FBLN1: variants seen among roughly 807,000 people sequenced by gnomAD.
FBLN1 encodes fibulin-1.
FBLN1 carries 34 observed loss-of-function variants against 89.7 expected under a neutral mutation model. That is an observed-to-expected ratio of 0.38 (90% CI 0.29 to 0.50). FBLN1 has a LOEUF of 0.50. Among genes scored for constraint, FBLN1 ranks in the 20% least tolerant of loss-of-function variants. FBLN1 has a pLI of 0.92. For synonymous variants in FBLN1, 393 were observed against 391.3 expected, an observed-to-expected ratio of 1.00 and a Z score of -0.05; for missense variants, 777 against 988.1, an observed-to-expected ratio of 0.79 and a Z score of 2.86.
chr22:45,555,988 G>T (rs982535098), intron 14 of FBLN1, among the ~76,000 whole-genome samples: 16 of 152,064 alleles, frequency 1.1e-4, no homozygotes, highest in African/African-American at 3.4e-4. Context: ...AAACATTTTT[G>T]ATTGTTTTTT....
Position 45,563,440 on chromosome 22 carries a change from C to A in FBLN1, c.1698-11071C>A. ...TACCCGGGGGTGAGCTGGGCACTGG[C>A]CACCGCCTGGTACCCCCGAGGGCTG... On this transcript the variant is annotated intron_variant, in intron 14 of 16. Coordinates refer to ENST00000327858, the MANE Select transcript of FBLN1 (RefSeq NM_006486.3). The surrounding 1 kb of genome is among the most constrained non-coding windows in gnomAD (Gnocchi z 5.7). The A allele has an allele frequency of 7.1e-7, 1 of 1,402,126 alleles. No homozygotes were observed. The highest frequency in any genetic ancestry group is 9.6e-7 in the Non-Finnish European group (1 of 1,045,282). The allele number at this position is 1,402,126 out of a possible 1,614,324, so 86.9% of individuals were successfully genotyped here.
chr22:45,523,023 G>A, intron 2 of FBLN1: 1 of 624,674 alleles, frequency 1.6e-6, no homozygotes, highest in Admixed American at 2.4e-5. Context: ...TTGTAGGAAG[G>A]CAGGATGTGC....
chr22:45,540,328 A>G (rs1338950620), intron 8 of FBLN1, among the ~76,000 whole-genome samples: 1 of 152,194 alleles, frequency 6.6e-6, no homozygotes, highest in Non-Finnish European at 1.5e-5. Context: ...GTGGTGCTCG[A>G]GAGCGGTCAT....
At chr22:45,586,569 C>T (rs565071123) in intron 16 of FBLN1, among the ~76,000 whole-genome samples, 30 of 152,320 alleles carry the variant, frequency 2.0e-4, no homozygotes, top group Admixed American at 1.4e-3. Flanking sequence ...CAGTGGTGCT[C>T]GTCAAGGTTT....
intron 1 of FBLN1, among the ~76,000 whole-genome samples, chr22:45,514,363 C>G (rs1454672415): frequency 6.6e-6 from 1 of 152,194 alleles, no homozygotes. Context: ...GGCCCCTCTT[C>G]TCCCTGAAGC....
chr22:45,536,518 A>T lies in FBLN1; in HGVS notation c.922+1181A>T, dbSNP rs1162598066. ...GGTGGCTCACACTTGTAATCCCAGCACTTTGGGAGGCCGAGGAGGGTGGAT... is the reference window on the plus strand; with the variant it reads ...GGTGGCTCACACTTGTAATCCCAGCTCTTTGGGAGGCCGAGGAGGGTGGAT... On this transcript the variant is annotated intron_variant, in intron 8 of 16. Transcript: ENST00000327858. This position sits in a 1 kb window ranked among gnomAD's most constrained non-coding sequence, Gnocchi z 5.1. Among the ~76,000 whole-genome samples the T allele has an allele frequency of 6.6e-6, 1 of 152,146 alleles. No individual in the cohort carries two copies. Among genetic ancestry groups the T allele is most frequent in the Admixed American group, 6.6e-5 (1 of 15,264 alleles).
At chr22:45,514,346 G>T (rs979852396) in intron 1 of FBLN1, among the ~76,000 whole-genome samples, 1 of 152,156 alleles carries the variant, frequency 6.6e-6, no homozygotes, top group Non-Finnish European at 1.5e-5. Context: ...CTGGAGCCAT[G>T]ATGCCAGGCC....
intron 14 of FBLN1, among the ~76,000 whole-genome samples, chr22:45,571,269 A>AT (rs2088951773): frequency 6.6e-6 from 1 of 152,216 alleles, no homozygotes; most frequent in African/African-American, 2.4e-5. Flanking sequence ...AATAAATAAC[A>AT]TATTAAGGAC....
intron 14 of FBLN1, among the ~76,000 whole-genome samples, chr22:45,570,319 C>CAAAAAAAAAAAA (rs761469854): frequency 1.6e-4 from 6 of 36,408 alleles, no homozygotes; most frequent in African/African-American, 3.8e-4. Context: ...GACTCTGTCT[C>CAAAAAAAAAAAA]AAAAAAAAAA....
At chr22:45,596,015 G>T (rs1569270325) in intron 16 of FBLN1, among the ~76,000 whole-genome samples, 1 of 152,112 alleles carries the variant, frequency 6.6e-6, no homozygotes, top group Non-Finnish European at 1.5e-5. Context: ...GACTGCAGGC[G>T]TGTCCCACCA....
At chr22:45,570,851 G>A (rs12170291) in intron 14 of FBLN1, among the ~76,000 whole-genome samples, 1,808 of 152,168 alleles carry the variant, frequency 0.012, 42 homozygotes, top group African/African-American at 0.039. Flanking sequence ...GAGGAAGGCC[G>A]GGTGTGGTGG....
Position 45,514,651 on chromosome 22 carries a change from C to A in FBLN1, c.80-4031C>A, listed in dbSNP as rs148407504. Among the ~76,000 whole-genome samples, 473 of 152,302 alleles carry A rather than the reference C, an allele frequency of 3.1e-3. 4 individuals carry two copies. The highest frequency in any genetic ancestry group is 0.011 in the African/African-American group (450 of 41,556). ...GGGGCAGAGGATCTTGCCCCAGCAG[C>A]CTTTGCATGTCAAGAGTGGTCTTGC... On this transcript the variant is annotated intron_variant, in intron 1 of 16. Coordinates refer to ENST00000327858, the MANE Select transcript of FBLN1 (RefSeq NM_006486.3).
intron 14 of FBLN1, among the ~76,000 whole-genome samples, chr22:45,559,033 A>T (rs2088822597): frequency 6.6e-6 from 1 of 152,214 alleles, no homozygotes; most frequent in South Asian, 2.1e-4. Flanking sequence ...CATGAATAAG[A>T]TTATGACACA....
chr22:45,520,063 G>A (rs1004670603), intron 2 of FBLN1, among the ~76,000 whole-genome samples: 6 of 152,088 alleles, frequency 3.9e-5, no homozygotes, highest in African/African-American at 7.2e-5. Context: ...CCAGCTACTC[G>A]GGAGGCTGAG....
chr22:45,584,976 G>A (rs1326691540), intron 16 of FBLN1, among the ~76,000 whole-genome samples: 1 of 152,228 alleles, frequency 6.6e-6, no homozygotes, highest in African/African-American at 2.4e-5. Flanking sequence ...ACTGGGTACT[G>A]CAGAACAAAT....
chr22:45,542,307 T>G lies in FBLN1; in HGVS notation c.1195+24T>G, dbSNP rs367642680. ...CGGTGCGTGGGGGGCCCCGCAGGCC[T>G]CGGGGGAACCCAGCCACGTGGCACC... On this transcript the variant is annotated intron_variant, in intron 10 of 16. Coordinates refer to ENST00000327858, the MANE Select transcript of FBLN1 (RefSeq NM_006486.3). 88 of 1,613,298 alleles carry G rather than the reference T, an allele frequency of 5.5e-5. No homozygotes were observed. The African/African-American group carries it at 9.9e-4, about 18-fold the overall frequency.
chr22:45,518,691 A>C lies in FBLN1; in HGVS notation c.89A>C (p.Asp30Ala). The part of the protein sequence containing the change: ...LALLAAGVDA[D>A]VLLEACCADG... ...TCTCTTCCCTGCACAGTGGACGCGG[A>C]TGTCCTCCTGGAGGCCTGCTGTGCG... The change falls in exon 2 of 17, where the codon GAT (aspartate) becomes GCT (alanine). Residue 30 changes from aspartate (D) to alanine (A), a missense_variant. Physicochemically the swap from Asp to Ala is moderately radical, Grantham distance 126. Transcript: ENST00000327858. The C allele has an allele frequency of 3.1e-6, 5 of 1,605,946 alleles. No homozygotes were observed. Among genetic ancestry groups the C allele is most frequent in the Non-Finnish European group, 4.2e-6 (5 of 1,176,500 alleles).
intron 16 of FBLN1, among the ~76,000 whole-genome samples, chr22:45,596,080 A>G (rs1319175267): frequency 2.6e-5 from 4 of 152,212 alleles, no homozygotes; most frequent in East Asian, 3.8e-4. Context: ...CGTGTTAGCC[A>G]GGATGGTCTT....
rs2089107150 is a variant in FBLN1 at position 45,588,505 on chromosome 22, T to G, written c.1972+11397T>G. On this transcript the variant is annotated intron_variant, in intron 16 of 16. Coordinates refer to ENST00000327858, the MANE Select transcript of FBLN1 (RefSeq NM_006486.3). This position sits in a 1 kb window ranked among gnomAD's most constrained non-coding sequence, Gnocchi z 5.1. ...CTCTGTCACCCTGTTTGTCCTTGCT[T>G]CTTATACACACACAGAACAGATGCA... 6.6e-6 allele frequency among the ~76,000 whole-genome samples: 1 copy of G among 152,154 alleles called. No homozygotes were observed. Among genetic ancestry groups the G allele is most frequent in the South Asian group, 2.1e-4 (1 of 4,836 alleles).
Sources: gnomAD v4.1 joint callset for allele counts (sites outside exome capture counted in the v4.1 genomes callset) on GRCh38, gnomAD v4.1.1 for gene constraint, Gnocchi (gnomAD v3.1) non-coding constraint, MANE v1.5 for transcripts, NCBI Gene and HGNC (gene_info 2026-07-23, HGNC 2026-07-21) for gene names.